NIN: variants seen among roughly 807,000 people sequenced by gnomAD.
NIN encodes the protein glycogen synthase kinase 3 beta-interacting protein.
A neutral mutation model predicts 257.6 loss-of-function variants in NIN; 137 were observed. That is an observed-to-expected ratio of 0.53 (90% CI 0.46 to 0.61). NIN has a LOEUF of 0.61. Ranked by LOEUF, NIN falls within the 20% of genes least tolerant of loss-of-function variation. The pLI, the probability that NIN is intolerant of heterozygous loss-of-function variation, is 0.00. For synonymous variants in NIN, 918 were observed against 919.8 expected, an observed-to-expected ratio of 1.00 and a Z score of 0.04; for missense variants, 2,439 against 2,501.2, an observed-to-expected ratio of 0.98 and a Z score of 0.53.
Position 50,771,399 on chromosome 14 carries a change from A to G in NIN, c.1051T>C (p.Leu351=). 1 of 1,614,218 alleles carries G rather than the reference A, an allele frequency of 6.2e-7. No individual in the cohort carries two copies. The highest frequency in any genetic ancestry group is 1.1e-5 in the South Asian group (1 of 91,086). ...TGGTGAATGCTGTTCTTGGTAACCA[A>G]AAGTTCATTTTCAAGGGCCAGTGTT... is the stretch of plus-strand genomic sequence containing the variant. ...ELTLALENEL[L]VTKNSIHQAA... is the part of the protein sequence containing the mutation. The change falls in exon 10 of 31, where the codon TTG becomes CTG. Residue 351 remains leucine, a synonymous_variant. Transcript: ENST00000530997.
chr14:50,812,591 C>A (rs1169600584), intron 3 of NIN, among the ~76,000 whole-genome samples: 1 of 152,184 alleles, frequency 6.6e-6, no homozygotes, highest in Non-Finnish European at 1.5e-5. Context: ...TTAGTAACTA[C>A]AAGATAGAAG....
chr14:50,768,397 G>C (rs2042594019), intron 12 of NIN, among the ~76,000 whole-genome samples: 1 of 152,204 alleles, frequency 6.6e-6, no homozygotes, highest in Non-Finnish European at 1.5e-5. Flanking sequence ...TCTGGAAATT[G>C]ACAAATCAGA....
In NIN at chr14:50,754,867, T is replaced by A. The variant is rs1206365561; in HGVS notation, c.4539A>T (p.Arg1513Ser). The A allele has an allele frequency of 1.3e-6, 2 of 1,560,446 alleles. No homozygotes were observed. The highest frequency in any genetic ancestry group is 1.4e-5 in the African/African-American group (1 of 72,296). Residue 1513 changes from arginine to serine, a missense_variant and splice_region_variant, in exon 19 of 31, where the codon AGA (arginine) becomes AGT (serine). Coordinates refer to ENST00000530997, the MANE Select transcript of NIN (RefSeq NM_020921.4). ...CCTGTTGAAGCTTTTCAGATTCATA[T>A]CTGAAGCACAGAGATTGAAAAAAAT... Reference protein sequence around the residue: ...SEMQQKVELLRYESEKLQQEN... With the variant: ...SEMQQKVELLSYESEKLQQEN...
chr14:50,771,204 G>T, intron 10 of NIN, 128 bp downstream of exon 10: 1 of 1,220,656 alleles, frequency 8.2e-7, no homozygotes, highest in Non-Finnish European at 1.1e-6. Context: ...GAAGATGTGT[G>T]CAGCAGTTGG....
At chr14:50,810,062 T>C (rs1237214941) in intron 3 of NIN, among the ~76,000 whole-genome samples, 2 of 151,764 alleles carry the variant, frequency 1.3e-5, no homozygotes, top group Non-Finnish European at 2.9e-5. Flanking sequence ...AAACCCCATC[T>C]CTACTAAAAA....
chr14:50,738,619 A>G (rs1336058263), intron 26 of NIN, among the ~76,000 whole-genome samples: 1 of 152,120 alleles, frequency 6.6e-6, no homozygotes, highest in Non-Finnish European at 1.5e-5. Context: ...TGACATGAAC[A>G]CTACTTTTAG....
At chr14:50,733,663 G>A (rs1237949755) in intron 28 of NIN, among the ~76,000 whole-genome samples, 1 of 152,124 alleles carries the variant, frequency 6.6e-6, no homozygotes, top group African/African-American at 2.4e-5. Context: ...CAGAGCCTCT[G>A]GAAAGGCTCT....
rs76328247 is a variant in NIN at position 50,779,236 on chromosome 14, A to G, written c.436-432T>C. On this transcript the variant is annotated intron_variant, in intron 5 of 30. Coordinates refer to ENST00000530997, the MANE Select transcript of NIN (RefSeq NM_020921.4). ...CTAGGTCTTGGTAATACAACCATGAACAACCATGAACAGGACAAACATATT... is the reference window on the plus strand; with the variant it reads ...CTAGGTCTTGGTAATACAACCATGAGCAACCATGAACAGGACAAACATATT... Among the ~76,000 whole-genome samples, 1,058 of 152,346 alleles carry G rather than the reference A, an allele frequency of 6.9e-3. 18 individuals carry two copies. The highest frequency in any genetic ancestry group is 0.024 in the African/African-American group (1,016 of 41,564).
Position 50,793,417 on chromosome 14 carries a change from G to A in NIN, c.266-536C>T, listed in dbSNP as rs56294907. 8.0e-4 allele frequency among the ~76,000 whole-genome samples: 121 copies of A among 151,618 alleles called. 2 individuals are homozygous for A. In the South Asian group the frequency reaches 9.8e-3, roughly 12 times the overall value. On this transcript the variant is annotated intron_variant, in intron 4 of 30. Transcript: ENST00000530997. ...CAAGCAGATGACAAAACAAAGAAAC[G>A]GACACAACACATTCTAAGCAATTAA...
At chr14:50,750,551 T>G (rs778527390) in intron 21 of NIN, among the ~76,000 whole-genome samples, 3 of 151,020 alleles carry the variant, frequency 2.0e-5, no homozygotes, top group Non-Finnish European at 2.9e-5. Flanking sequence ...CTGACTAGAT[T>G]ATCATAGCAT....
In NIN at chr14:50,757,238, T is replaced by C. The variant is rs1188326942; in HGVS notation, c.3792A>G (p.Glu1264=). Residue 1264 remains glutamate (E), a synonymous_variant, in exon 18 of 31, where the codon GAA becomes GAG. Coordinates refer to ENST00000530997, the MANE Select transcript of NIN (RefSeq NM_020921.4). ...AGCGTGTCTCCATCATTCTCAGCTC[T>C]TCCTGAAGGCAGTCATTTTCTCGGC... The part of the protein sequence containing the change: ...DVSRENDCLQ[E]ELRMMETRYD... The C allele has an allele frequency of 1.1e-5, 18 of 1,614,032 alleles. No homozygotes were observed. Among genetic ancestry groups the C allele is most frequent in the Non-Finnish European group, 1.5e-5 (18 of 1,180,018 alleles).
At chr14:50,777,706 AGCT>A (rs1229025819) in intron 6 of NIN, among the ~76,000 whole-genome samples, 2 of 152,264 alleles carry the variant, frequency 1.3e-5, no homozygotes, top group Non-Finnish European at 2.9e-5. Context: ...AATGGTTGCA[AGCT>A]ATAAGTTCCC....
intron 25 of NIN, among the ~76,000 whole-genome samples, chr14:50,739,742 C>T (rs948821658): frequency 6.6e-6 from 1 of 152,200 alleles, no homozygotes; most frequent in African/African-American, 2.4e-5. Flanking sequence ...ATGCCATGTC[C>T]AATAATGAAT....
At chr14:50,826,046 T>C (rs1445606373) in intron 2 of NIN, among the ~76,000 whole-genome samples, 1 of 152,340 alleles carries the variant, frequency 6.6e-6, no homozygotes, top group Non-Finnish European at 1.5e-5. Flanking sequence ...TGCCCAGGAA[T>C]TGGTAATTCG....
At chr14:50,754,262 C>T (rs955383579) in intron 20 of NIN, among the ~76,000 whole-genome samples, 3 of 152,156 alleles carry the variant, frequency 2.0e-5, no homozygotes, top group Non-Finnish European at 4.4e-5. Flanking sequence ...TGAAACTGCA[C>T]AAGGGCTACA....
At chr14:50,810,905 G>C (rs1446438621) in intron 3 of NIN, among the ~76,000 whole-genome samples, 1 of 152,016 alleles carries the variant, frequency 6.6e-6, no homozygotes, top group African/African-American at 2.4e-5. Context: ...CTCGTGATCT[G>C]CCCACCTCGG....
At position 50,758,267 on chromosome 14, in the gene NIN, G is replaced by A. The variant is rs944294264; in HGVS notation, c.2763C>T (p.Asp921=). ...ERQQLLQDLE[D]LRNVSETQQS... ...GCTGGGTTTCAGATACATTTCTTAG[G>A]TCTTCCAGGTCTTGGAGTAGCTGCT... The change falls in exon 18 of 31, where the codon GAC becomes GAT. Residue 921 remains aspartate, a synonymous_variant. Coordinates refer to ENST00000530997, the MANE Select transcript of NIN (RefSeq NM_020921.4). 2.5e-6 allele frequency: 4 copies of A among 1,614,064 alleles called. No homozygotes were observed. The African/African-American group carries it at 5.3e-5, about 22-fold the overall frequency.
intron 6 of NIN, among the ~76,000 whole-genome samples, chr14:50,777,387 G>A (rs892732439): frequency 2.0e-5 from 3 of 152,086 alleles, no homozygotes; most frequent in Non-Finnish European, 2.9e-5. Flanking sequence ...AATCTCCTGT[G>A]CAATACTGCA....
At chr14:50,774,719 C>T (rs1214726009) in intron 7 of NIN, among the ~76,000 whole-genome samples, 1 of 152,212 alleles carries the variant, frequency 6.6e-6, no homozygotes, top group Non-Finnish European at 1.5e-5. Context: ...ACTGCTTGAC[C>T]TTGTGACATT....
Sources: gnomAD v4.1 joint callset for allele counts (sites outside exome capture counted in the v4.1 genomes callset) on GRCh38, gnomAD v4.1.1 for gene constraint, MANE v1.5 for transcripts, NCBI Gene and HGNC (gene_info 2026-07-23, HGNC 2026-07-21) for gene names.